WLS: variants seen among roughly 807,000 people sequenced by gnomAD.
The protein encoded by WLS is Wnt ligand secretion mediator, also known as protein wntless homolog.
WLS carries 23 observed loss-of-function variants against 62.8 expected under a neutral mutation model. That is an observed-to-expected ratio of 0.37 (90% CI 0.26 to 0.52). The LOEUF is 0.52. Ranked by LOEUF, WLS falls within the 20% of genes least tolerant of loss-of-function variation. The pLI, the probability that WLS is intolerant of heterozygous loss-of-function variation, is 0.92. For missense variants in WLS, 615 were observed against 697.3 expected, an observed-to-expected ratio of 0.88 and a Z score of 1.33; for synonymous variants, 246 against 244.1, an observed-to-expected ratio of 1.01 and a Z score of -0.07.
chr1:68,170,683 C>G (rs1325484688), intron 2 of WLS, among the ~76,000 whole-genome samples: 1 of 150,024 alleles, frequency 6.7e-6, no homozygotes, highest in Non-Finnish European at 1.5e-5. Flanking sequence ...CTCTTGCCTT[C>G]TTTTACTCAC....
intron 2 of WLS, among the ~76,000 whole-genome samples, chr1:68,165,809 G>C (rs1647051845): frequency 6.6e-6 from 1 of 152,204 alleles, no homozygotes; most frequent in Admixed American, 6.5e-5. Flanking sequence ...CTCATCATCA[G>C]AGGATGCAAC....
chr1:68,139,011 C>G (rs1646650066), intron 10 of WLS, among the ~76,000 whole-genome samples: 1 of 152,172 alleles, frequency 6.6e-6, no homozygotes, highest in Non-Finnish European at 1.5e-5. Flanking sequence ...CCATAACCCA[C>G]TTGGGGCCCT....
intron 9 of WLS, 136 bp from the exon 10 acceptor site, chr1:68,144,788 A>T: frequency 1.5e-6 from 1 of 676,068 alleles, no homozygotes; most frequent in Non-Finnish European, 2.4e-6. Flanking sequence ...ATAGTTTCCC[A>T]TAGTAATATT....
chr1:68,160,093 T>G (rs1646952370), intron 2 of WLS, among the ~76,000 whole-genome samples: 1 of 141,406 alleles, frequency 7.1e-6, no homozygotes, highest in Non-Finnish European at 1.5e-5. Context: ...TTTTTTTTTT[T>G]GAGTATAAAG....
intron 5 of WLS, among the ~76,000 whole-genome samples, chr1:68,152,803 A>G (rs1484342160): frequency 6.6e-6 from 1 of 152,214 alleles, no homozygotes; most frequent in African/African-American, 2.4e-5. Flanking sequence ...ATGTTTGTAT[A>G]TTAATAGAAT....
chr1:68,230,333 A>G (rs1227287965), intron 1 of WLS, among the ~76,000 whole-genome samples: 1 of 152,188 alleles, frequency 6.6e-6, no homozygotes, highest in African/African-American at 2.4e-5. Context: ...ACAAGGTGCA[A>G]GAAATTTTAA....
At chr1:68,128,522 T>C (rs1276390469) in intron 11 of WLS, among the ~76,000 whole-genome samples, 4 of 152,214 alleles carry the variant, frequency 2.6e-5, no homozygotes, top group African/African-American at 9.6e-5. Flanking sequence ...AAGGAATCCC[T>C]TTCCCTGAGG....
Position 68,098,691 on chromosome 1 carries a change from CTT to C in WLS, c.1571_1572del (p.Gln524ArgfsTer13), listed in dbSNP as rs767847835. 3 of 1,613,792 alleles carry C rather than the reference CTT, an allele frequency of 1.9e-6. No individual in the cohort carries two copies. Among genetic ancestry groups the C allele is most frequent in the Non-Finnish European group, 2.5e-6 (3 of 1,179,854 alleles). On this transcript the variant is annotated frameshift_variant, in exon 12 of 12. Transcript: ENST00000354777. LOFTEE classifies it low-confidence loss of function (END_TRUNC). ...GAATATTTCGAAGCGCTGAACAATT[CTT>C]GATAAAGTTCCGAAACAAACAAAGC... is the stretch of plus-strand genomic sequence containing the variant.
At chr1:68,195,132 T>C (rs1412327198) in intron 1 of WLS, among the ~76,000 whole-genome samples, 2 of 152,212 alleles carry the variant, frequency 1.3e-5, no homozygotes, top group East Asian at 1.9e-4. Flanking sequence ...TATACGCAAA[T>C]ATTAACACAT....
intron 1 of WLS, among the ~76,000 whole-genome samples, chr1:68,211,382 TA>T (rs891395266): frequency 6.6e-6 from 1 of 151,670 alleles, no homozygotes; most frequent in African/African-American, 2.4e-5. Context: ...AGGTTTTTCT[TA>T]AAAAACAACA....
chr1:68,148,750 G>C (rs116776255), intron 6 of WLS, 90 bp from the exon 7 acceptor site: 11 of 1,161,996 alleles, frequency 9.5e-6, no homozygotes, highest in Non-Finnish European at 1.4e-5. Context: ...GACACTTGCC[G>C]ACCACCTATT....
chr1:68,132,983 C>T (rs1336854021), intron 11 of WLS, among the ~76,000 whole-genome samples: 1 of 151,898 alleles, frequency 6.6e-6, no homozygotes, highest in African/African-American at 2.4e-5. Context: ...CCTGGGAAGA[C>T]ATCCAGAATG....
chr1:68,220,451 C>A (rs753561299), intron 1 of WLS, among the ~76,000 whole-genome samples: 2 of 152,214 alleles, frequency 1.3e-5, no homozygotes, highest in Admixed American at 6.5e-5. Flanking sequence ...AATCCCACAA[C>A]CCCCGTGACT....
At chr1:68,155,375 A>G in intron 3 of WLS, 115 bp from the exon 4 acceptor site, 19 of 1,288,036 alleles carry the variant, frequency 1.5e-5, no homozygotes, top group Non-Finnish European at 2.0e-5. Context: ...TTAAAGGTAC[A>G]CTTTAGACGT....
intron 2 of WLS, among the ~76,000 whole-genome samples, chr1:68,175,240 A>G (rs895603095): frequency 6.6e-6 from 1 of 152,250 alleles, no homozygotes; most frequent in East Asian, 1.9e-4. Context: ...TTTACTGCCT[A>G]CTATGTGTAG....
At chr1:68,175,161 A>G (rs1317421202) in intron 2 of WLS, among the ~76,000 whole-genome samples, 1 of 152,228 alleles carries the variant, frequency 6.6e-6, no homozygotes, top group African/African-American at 2.4e-5. Flanking sequence ...AAGATCTCAG[A>G]AATATGTTTT....
chr1:68,104,781 G>T (rs1166305982), intron 11 of WLS, among the ~76,000 whole-genome samples: 1 of 152,200 alleles, frequency 6.6e-6, no homozygotes, highest in African/African-American at 2.4e-5. Flanking sequence ...GTAGCCAGGT[G>T]TGGTGGTGCA....
At chr1:68,204,285 C>A (rs973001692) in intron 1 of WLS, among the ~76,000 whole-genome samples, 3 of 152,022 alleles carry the variant, frequency 2.0e-5, no homozygotes, top group African/African-American at 7.2e-5. Flanking sequence ...GGGTAACTTG[C>A]AGTTTTAACA....
intron 11 of WLS, among the ~76,000 whole-genome samples, chr1:68,119,021 T>C (rs1646332346): frequency 6.6e-6 from 1 of 152,072 alleles, no homozygotes; most frequent in Admixed American, 6.6e-5. Flanking sequence ...AAAAAAGATT[T>C]ATATCCAAGG....
Sources: allele counts gnomAD v4.1 joint callset (sites outside exome capture counted in the v4.1 genomes callset), GRCh38; gene constraint gnomAD v4.1.1; transcripts MANE v1.5; gene names NCBI Gene and HGNC (gene_info 2026-07-23, HGNC 2026-07-21).